The following SUCLG2 variants were observed in gnomAD, a reference collection of about 807,000 sequenced individuals.
SUCLG2 encodes succinate-CoA ligase GDP-forming subunit beta, also known as succinate--CoA ligase [GDP-forming] subunit beta, mitochondrial.
SUCLG2 carries 42 observed loss-of-function variants against 47.9 expected under a neutral mutation model. The observed-to-expected ratio is 0.88, with a 90% CI of 0.69 to 1.14. The LOEUF (loss-of-function observed/expected upper bound fraction) is 1.14. Among genes scored for constraint, SUCLG2 ranks in the 50% most tolerant of loss-of-function variants. The pLI, the probability that SUCLG2 is intolerant of heterozygous loss-of-function variation, is 0.00. For synonymous variants in SUCLG2, 195 were observed against 197.3 expected (o/e 0.99, Z 0.10); for missense variants, 571 against 525.9 (o/e 1.09, Z -0.84).
At chr3:67,376,508 G>A (rs1355914899) in intron 10 of SUCLG2, 26 of 982,080 alleles carry the variant, frequency 2.6e-5, no homozygotes, top group Non-Finnish European at 3.1e-5. Flanking sequence ...AACAACTCCT[G>A]TAGGAGAAAT....
At chr3:67,605,951 G>A (rs565742120) in intron 2 of SUCLG2, among the ~76,000 whole-genome samples, 102 of 152,072 alleles carry the variant, frequency 6.7e-4, no homozygotes, top group African/African-American at 2.2e-3. Context: ...AATGGCTCTC[G>A]GTTGTAATCT....
At chr3:67,553,496 T>G in intron 2 of SUCLG2, among the ~76,000 whole-genome samples, 1 of 152,368 alleles carries the variant, frequency 6.6e-6, no homozygotes, top group East Asian at 1.9e-4. Flanking sequence ...CTTTTGGACT[T>G]AAATAATTCA....
At chr3:67,476,369 T>G (rs1704756043) in intron 9 of SUCLG2, among the ~76,000 whole-genome samples, 1 of 152,054 alleles carries the variant, frequency 6.6e-6, no homozygotes, top group African/African-American at 2.4e-5. Flanking sequence ...TATTGTGAAC[T>G]GTGCATGTGA....
chr3:67,601,937 G>T (rs978944857), intron 2 of SUCLG2, among the ~76,000 whole-genome samples: 1 of 151,786 alleles, frequency 6.6e-6, no homozygotes, highest in Non-Finnish European at 1.5e-5. Flanking sequence ...AGCTAAGATC[G>T]CACCCCCCAA....
At chr3:67,439,654 C>A (rs1485753809) in intron 9 of SUCLG2, among the ~76,000 whole-genome samples, 1 of 152,028 alleles carries the variant, frequency 6.6e-6, no homozygotes, top group Non-Finnish European at 1.5e-5. Context: ...AATAAAATAC[C>A]TAGGAATACA....
intron 2 of SUCLG2, among the ~76,000 whole-genome samples, chr3:67,586,902 T>C (rs533001484): frequency 1.4e-4 from 21 of 152,302 alleles, no homozygotes; most frequent in African/African-American, 5.1e-4. Context: ...CCATTTACTG[T>C]TACTGTTCAC....
chr3:67,406,976 G>C (rs1277555920), intron 9 of SUCLG2, among the ~76,000 whole-genome samples: 1 of 152,170 alleles, frequency 6.6e-6, no homozygotes, highest in African/African-American at 2.4e-5. Flanking sequence ...GTTAGGAATA[G>C]CTGGATAATG....
intron 9 of SUCLG2, among the ~76,000 whole-genome samples, chr3:67,465,515 T>C (rs2106968544): frequency 6.6e-6 from 1 of 152,308 alleles, no homozygotes; most frequent in Middle Eastern, 3.4e-3. Context: ...AATTGCTGTC[T>C]CACTGCTAAG....
At position 67,491,566 on chromosome 3, in the gene SUCLG2, T is replaced by G. The variant is rs143832938; in HGVS notation, c.1062+4232A>C. On this transcript the variant is annotated intron_variant, in intron 9 of 10. Coordinates refer to ENST00000307227, the MANE Select transcript of SUCLG2 (RefSeq NM_003848.4). ...TTTAAGTAGAGACGGGGTTTTACCA[T>G]TTTGGCCAGGCTGCTCTTGAAATCC... is the stretch of plus-strand genomic sequence containing the variant. 2.8e-3 allele frequency among the ~76,000 whole-genome samples: 427 copies of G among 152,102 alleles called. 4 individuals are homozygous for G. Among genetic ancestry groups the G allele is most frequent in the African/African-American group, 9.9e-3 (412 of 41,514 alleles).
intron 9 of SUCLG2, among the ~76,000 whole-genome samples, chr3:67,455,683 G>C (rs910215307): frequency 1.8e-4 from 27 of 151,638 alleles, no homozygotes; most frequent in African/African-American, 6.5e-4. Context: ...GTACTGGGTG[G>C]AGGAAAAAAA....
chr3:67,573,314 A>G (rs1258735145), intron 2 of SUCLG2, among the ~76,000 whole-genome samples: 1 of 152,238 alleles, frequency 6.6e-6, no homozygotes, highest in Non-Finnish European at 1.5e-5. Flanking sequence ...AGCAGATCCT[A>G]AAATGTATAC....
chr3:67,381,199 T>TAAATA (rs10584878), intron 10 of SUCLG2, among the ~76,000 whole-genome samples: 71 of 146,524 alleles, frequency 4.8e-4, no homozygotes, highest in African/African-American at 2.5e-4. Context: ...AATAAATAAA[T>TAAATA]AAATAAAATA....
intron 9 of SUCLG2, among the ~76,000 whole-genome samples, chr3:67,444,257 G>A (rs1171864793): frequency 6.8e-5 from 4 of 58,902 alleles, no homozygotes; most frequent in Admixed American, 1.7e-4. Flanking sequence ...CCCTCAGCCC[G>A]GCCAGCCACC....
rs138111167 is a variant in SUCLG2 at position 67,468,945 on chromosome 3, A to G, written c.1062+26853T>C. On this transcript the variant is annotated intron_variant, in intron 9 of 10. Transcript: ENST00000307227. ...AACGAGGAACATGCCCCTGCCTTCA[A>G]TCAGGTGTAAGGAGTGCGTACAAGG... 3.6e-4 allele frequency among the ~76,000 whole-genome samples: 55 copies of G among 152,340 alleles called. No individual in the cohort carries two copies. In the East Asian group the frequency reaches 9.6e-3, roughly 27 times the overall value.
chr3:67,638,303 T>A (rs1378319674), intron 1 of SUCLG2, among the ~76,000 whole-genome samples: 1 of 152,188 alleles, frequency 6.6e-6, no homozygotes, highest in African/African-American at 2.4e-5. Flanking sequence ...GCCTAGCACT[T>A]AGTGGCCCTC....
chr3:67,425,040 C>T (rs959869286), intron 9 of SUCLG2, among the ~76,000 whole-genome samples: 5 of 151,892 alleles, frequency 3.3e-5, no homozygotes, highest in South Asian at 2.1e-4. Flanking sequence ...TTCCCCCACA[C>T]CTTTAGCCAG....
intron 6 of SUCLG2, among the ~76,000 whole-genome samples, chr3:67,512,465 A>C (rs1048079636): frequency 6.6e-6 from 1 of 150,918 alleles, no homozygotes; most frequent in African/African-American, 2.5e-5. Flanking sequence ...CACTGTAGTG[A>C]TACAACCTCT....
intron 9 of SUCLG2, among the ~76,000 whole-genome samples, chr3:67,450,959 A>G (rs1183814066): frequency 3.3e-5 from 5 of 152,182 alleles, no homozygotes. Flanking sequence ...GGTAGCGTTT[A>G]TTGAGCGCTT....
At chr3:67,497,722 T>G (rs1164629809) in intron 8 of SUCLG2, among the ~76,000 whole-genome samples, 1 of 152,194 alleles carries the variant, frequency 6.6e-6, no homozygotes, top group African/African-American at 2.4e-5. Context: ...AACTGAGATG[T>G]TTTAAGTCAA....
Sources: gnomAD v4.1 joint callset for allele counts (sites outside exome capture counted in the v4.1 genomes callset) on GRCh38, gnomAD v4.1.1 for gene constraint, MANE v1.5 for transcripts, NCBI Gene and HGNC (gene_info 2026-07-23, HGNC 2026-07-21) for gene names.